ZGRF1: variants seen among roughly 807,000 people sequenced by gnomAD.
ZGRF1 encodes zinc finger GRF-type containing 1.
A neutral mutation model predicts 203.5 loss-of-function variants in ZGRF1; 196 were observed. The observed-to-expected ratio is 0.96, with a 90% CI of 0.86 to 1.08. ZGRF1 has a LOEUF of 1.08. Among genes scored for constraint, ZGRF1 ranks in the 50% least tolerant of loss-of-function variants. ZGRF1 has a pLI of 0.00. For synonymous variants in ZGRF1, 809 were observed against 841.3 expected (o/e 0.96, Z 0.66); for missense variants, 2,326 against 2,416.3 (o/e 0.96, Z 0.78).
At position 112,619,352 on chromosome 4, in the gene ZGRF1, A is replaced by AT; in HGVS notation, c.689dup (p.Asn230LysfsTer2). 1 of 1,612,746 alleles carries AT rather than the reference A, an allele frequency of 6.2e-7. No homozygotes were observed. The highest frequency in any genetic ancestry group is 8.5e-7 in the Non-Finnish European group (1 of 1,179,380). Reference sequence around the variant, plus strand: ...CCAAACTATCTCTTTTCACAGGCTCATTGGTCAGTAAAGAGTCTGAAAGCT... The same window carrying AT: ...CCAAACTATCTCTTTTCACAGGCTCATTTGGTCAGTAAAGAGTCTGAAAGCT... On this transcript the variant is annotated frameshift_variant, in exon 6 of 28. Coordinates refer to ENST00000505019, the MANE Select transcript of ZGRF1 (RefSeq NM_018392.5). LOFTEE classifies it high-confidence loss of function.
At position 112,617,629 on chromosome 4, in the gene ZGRF1, T is replaced by C; in HGVS notation, c.2413A>G (p.Arg805Gly). 6.2e-7 allele frequency: 1 copy of C among 1,613,612 alleles called. No homozygotes were observed. Among genetic ancestry groups the C allele is most frequent in the South Asian group, 1.1e-5 (1 of 90,916 alleles). Residue 805 changes from arginine (R) to glycine (G), a missense_variant, in exon 6 of 28, where the codon AGA becomes GGA. Transcript: ENST00000505019. ...GGATTCCAGTATTGTTTGCCTTCTCTGGCAGTTTCAACCTCAACATGGTCA... is the reference window on the plus strand; with the variant it reads ...GGATTCCAGTATTGTTTGCCTTCTCCGGCAGTTTCAACCTCAACATGGTCA... ...PPDHVEVETAREGKQYWNPRN... is the reference protein window; with the variant it reads ...PPDHVEVETAGEGKQYWNPRN...
Position 112,618,978 on chromosome 4 carries a change from TGG to T in ZGRF1, c.1062_1063del (p.Gln355GlyfsTer3). 6.2e-7 allele frequency: 1 copy of T among 1,613,660 alleles called. No homozygotes were observed. The highest frequency in any genetic ancestry group is 1.1e-5 in the South Asian group (1 of 91,032). On this transcript the variant is annotated frameshift_variant, in exon 6 of 28. Transcript: ENST00000505019. LOFTEE classifies it high-confidence loss of function. ...CAAATTAGAATTTACATCATCTTCCTGGGCCTTGGGTTTCCTTTCTGTATCAT... is the reference window on the plus strand; with the variant it reads ...CAAATTAGAATTTACATCATCTTCCTGCCTTGGGTTTCCTTTCTGTATCAT...
intron 16 of ZGRF1, among the ~76,000 whole-genome samples, chr4:112,574,114 T>C (rs1744714763): frequency 6.6e-6 from 1 of 152,220 alleles, no homozygotes; most frequent in African/African-American, 2.4e-5. Flanking sequence ...AAGGCAGCAT[T>C]TTCATTCCTA....
Position 112,618,729 on chromosome 4 carries a change from T to C in ZGRF1, c.1313A>G (p.Lys438Arg). 6.2e-7 allele frequency: 1 copy of C among 1,611,080 alleles called. No individual in the cohort carries two copies. Among genetic ancestry groups the C allele is most frequent in the Non-Finnish European group, 8.5e-7 (1 of 1,179,214 alleles). Residue 438 changes from lysine (K) to arginine (R), a missense_variant, in exon 6 of 28, where the codon AAA becomes AGA. Lys to Arg is a conservative substitution (Grantham distance 26, BLOSUM62 2). Transcript: ENST00000505019. ...CTTGTCATTTTGATTAAAAGGTATT[T>C]TATTATCTTCTTGAATGTCAGATTC... ...LSESDIQEDNKIPFNQNDKGC... is the reference protein window; with the variant it reads ...LSESDIQEDNRIPFNQNDKGC...
At chr4:112,598,738 A>G (rs1466599466) in intron 10 of ZGRF1, among the ~76,000 whole-genome samples, 1 of 152,176 alleles carries the variant, frequency 6.6e-6, no homozygotes, top group Non-Finnish European at 1.5e-5. Context: ...TACATAAATT[A>G]AAACATTTAA....
intron 3 of ZGRF1, among the ~76,000 whole-genome samples, chr4:112,625,194 C>T (rs970918725): frequency 1.4e-4 from 21 of 152,254 alleles, no homozygotes; most frequent in African/African-American, 5.1e-4. Flanking sequence ...GAAGCTAAGG[C>T]GGAAGGATTG....
At position 112,573,040 on chromosome 4, in the gene ZGRF1, T is replaced by G. The variant is rs899700051; in HGVS notation, c.4438+8623A>C. On this transcript the variant is annotated intron_variant, in intron 16 of 27. Coordinates refer to ENST00000505019, the MANE Select transcript of ZGRF1 (RefSeq NM_018392.5). ...CCATTTGATCCAACAATCCCACTAC[T>G]GGGTATCTATTCAGAGGAAAACACA... Among the ~76,000 whole-genome samples the G allele has an allele frequency of 2.6e-5, 4 of 152,124 alleles. No individual in the cohort carries two copies. The East Asian group carries it at 7.7e-4, about 29-fold the overall frequency.
chr4:112,575,780 A>T (rs1452000755), intron 16 of ZGRF1, among the ~76,000 whole-genome samples: 2 of 152,224 alleles, frequency 1.3e-5, no homozygotes, highest in African/African-American at 4.8e-5. Context: ...AAGTGGCAGG[A>T]AGCTCGAACT....
chr4:112,601,595 G>A (rs1348076644), intron 10 of ZGRF1, among the ~76,000 whole-genome samples: 2 of 151,212 alleles, frequency 1.3e-5, no homozygotes, highest in Admixed American at 6.6e-5. Flanking sequence ...AAAATTAGCT[G>A]GGCATAGTGG....
Position 112,560,847 on chromosome 4 carries a change from TTA to T in ZGRF1, c.4844_4845del (p.Leu1615Ter), listed in dbSNP as rs773953924. On this transcript the variant is annotated frameshift_variant, in exon 19 of 28. Coordinates refer to ENST00000505019, the MANE Select transcript of ZGRF1 (RefSeq NM_018392.5). LOFTEE classifies it high-confidence loss of function. ...ATTAGAGCTGTAGCTTGATCCTTGT[TTA>T]ACTTGTGTACCTGAATCAACTCACT... is the stretch of plus-strand genomic sequence containing the variant. ...LASELIQVHK[L>X]NKDQATALIQ... 6 of 1,613,800 alleles carry T rather than the reference TTA, an allele frequency of 3.7e-6. No individual in the cohort carries two copies. Among genetic ancestry groups the T allele is most frequent in the Non-Finnish European group, 5.1e-6 (6 of 1,179,768 alleles).
At chr4:112,584,727 T>C (rs1312528638) in intron 14 of ZGRF1, among the ~76,000 whole-genome samples, 1 of 152,200 alleles carries the variant, frequency 6.6e-6, no homozygotes, top group Non-Finnish European at 1.5e-5. Context: ...TCATGAATTT[T>C]TGCTTTTGAC....
In ZGRF1 at chr4:112,617,701, G is replaced by C. The variant is rs186624191; in HGVS notation, c.2341C>G (p.His781Asp). 6.2e-7 allele frequency: 1 copy of C among 1,614,062 alleles called. No homozygotes were observed. Among genetic ancestry groups the C allele is most frequent in the Admixed American group, 1.7e-5 (1 of 60,022 alleles). ...KHLISKDTEA[H>D]ISEPEDLGKI... Reference sequence around the variant, plus strand: ...CCCAAATCTTCAGGTTCAGATATATGTGCTTCTGTGTCTTTGGAAATAAGA... The same window carrying C: ...CCCAAATCTTCAGGTTCAGATATATCTGCTTCTGTGTCTTTGGAAATAAGA... Residue 781 changes from histidine to aspartate, a missense_variant, in exon 6 of 28, where the codon CAT (histidine) becomes GAT (aspartate). By Grantham distance (81) the His-to-Asp change is moderately conservative. Coordinates refer to ENST00000505019, the MANE Select transcript of ZGRF1 (RefSeq NM_018392.5).
At chr4:112,566,669 T>C (rs1299883010) in intron 16 of ZGRF1, among the ~76,000 whole-genome samples, 4 of 152,100 alleles carry the variant, frequency 2.6e-5, no homozygotes, top group Non-Finnish European at 2.9e-5. Context: ...GATTGTTGGC[T>C]TCCTTTCTGT....
Position 112,618,601 on chromosome 4 carries a change from C to A in ZGRF1, c.1441G>T (p.Glu481Ter), listed in dbSNP as rs1270648758. 1 of 1,613,612 alleles carries A rather than the reference C, an allele frequency of 6.2e-7. No homozygotes were observed. The change falls in exon 6 of 28, where the codon GAA (glutamate) becomes TAA (stop). Residue 481 changes from glutamate (E) to a stop codon, truncating the protein, a stop_gained. Coordinates refer to ENST00000505019, the MANE Select transcript of ZGRF1 (RefSeq NM_018392.5). LOFTEE classifies it high-confidence loss of function. ...EYEQSESSLP[E>*]LKHLQIESSN... ...GATTCAATTTGGAGATGTTTCAGTT[C>A]TGGCAGAGATGACTCTGATTGTTCA...
chr4:112,545,315 C>T (rs1738534540), intron 24 of ZGRF1, among the ~76,000 whole-genome samples: 1 of 149,034 alleles, frequency 6.7e-6, no homozygotes, highest in African/African-American at 2.5e-5. Flanking sequence ...ACCAAACAAC[C>T]CAATTAAAAA....
At chr4:112,634,106 T>G (rs2047499644) in intron 1 of ZGRF1, among the ~76,000 whole-genome samples, 1 of 152,222 alleles carries the variant, frequency 6.6e-6, no homozygotes, top group Admixed American at 6.5e-5. Context: ...TTACATATTA[T>G]TTATAAGTTA....
At chr4:112,628,738 G>A in intron 3 of ZGRF1, 1 of 451,224 alleles carries the variant, frequency 2.2e-6, no homozygotes, top group South Asian at 1.6e-5. Context: ...AGATAAAGTT[G>A]GATAATAGCA....
intron 1 of ZGRF1, among the ~76,000 whole-genome samples, chr4:112,636,179 A>G (rs904904151): frequency 1.3e-5 from 2 of 152,202 alleles, no homozygotes; most frequent in South Asian, 4.1e-4. Flanking sequence ...CCGACTTCTA[A>G]TAGGTGAAAG....
intron 16 of ZGRF1, among the ~76,000 whole-genome samples, chr4:112,567,207 C>T (rs1266394652): frequency 1.3e-5 from 2 of 152,158 alleles, no homozygotes; most frequent in African/African-American, 4.8e-5. Context: ...AGCTCATTTA[C>T]ACCCTCAACT....
Sources: gnomAD v4.1 joint callset for allele counts (sites outside exome capture counted in the v4.1 genomes callset) on GRCh38, gnomAD v4.1.1 for gene constraint, MANE v1.5 for transcripts, NCBI Gene and HGNC (gene_info 2026-07-23, HGNC 2026-07-21) for gene names.